NTNG1: variants seen among roughly 807,000 people sequenced by gnomAD.
NTNG1 encodes netrin-G1.
In NTNG1, 16 loss-of-function variants were observed where a neutral mutation model predicts 54.0. The ratio of observed to expected loss-of-function variants is 0.30; its 90% CI spans 0.20 to 0.45. The LOEUF (loss-of-function observed/expected upper bound fraction) is 0.45, where lower values mean the gene tolerates loss of function less well. Among genes scored for constraint, NTNG1 ranks in the 20% least tolerant of loss-of-function variants. NTNG1 has a pLI of 1.00. For missense variants in NTNG1, 530 were observed against 678.7 expected, an observed-to-expected ratio of 0.78 and a Z score of 2.43; for synonymous variants, 255 against 263.1, an observed-to-expected ratio of 0.97 and a Z score of 0.30.
chr1:107,429,033 C>G (rs1274325618), intron 5 of NTNG1, among the ~76,000 whole-genome samples: 1 of 152,088 alleles, frequency 6.6e-6, no homozygotes, highest in Non-Finnish European at 1.5e-5. Flanking sequence ...CTCGCCTCCC[C>G]TCTGACTTCT....
chr1:107,303,433 GA>G (rs1421056799), intron 2 of NTNG1, among the ~76,000 whole-genome samples: 1 of 152,086 alleles, frequency 6.6e-6, no homozygotes, highest in African/African-American at 2.4e-5. Flanking sequence ...CGACAAGTAA[GA>G]GTTTTTTTTT....
At chr1:107,325,174 A>G (rs1667880306) in intron 3 of NTNG1, among the ~76,000 whole-genome samples, 1 of 152,038 alleles carries the variant, frequency 6.6e-6, no homozygotes, top group Non-Finnish European at 1.5e-5. Context: ...TTAAAAAGTA[A>G]CTCCCTGAGT....
Position 107,324,634 on chromosome 1 carries a change from C to A in NTNG1, c.599C>A (p.Thr200Lys). The A allele has an allele frequency of 6.2e-7, 1 of 1,613,450 alleles. No homozygotes were observed. The highest frequency in any genetic ancestry group is 8.5e-7 in the Non-Finnish European group (1 of 1,179,696). ...PKSVKDLSQH[T>K]VLEIICTEEY... is the part of the protein sequence containing the mutation. ...TCCGTGAAGGATTTATCACAGCATA[C>A]GGTCTTAGAAATCATTTGCACAGAA... Residue 200 changes from threonine (T) to lysine (K), a missense_variant, in exon 3 of 8, where the codon ACG becomes AAG. Coordinates refer to ENST00000370068, the MANE Select transcript of NTNG1 (RefSeq NM_001113226.3).
At chr1:107,288,687 A>G (rs997591501) in intron 2 of NTNG1, among the ~76,000 whole-genome samples, 2 of 152,200 alleles carry the variant, frequency 1.3e-5, no homozygotes, top group Non-Finnish European at 2.9e-5. Context: ...CAAAGGATTG[A>G]CAAATGAGTG....
intron 7 of NTNG1, among the ~76,000 whole-genome samples, chr1:107,472,268 C>T (rs1014331765): frequency 1.3e-5 from 2 of 152,180 alleles, no homozygotes; most frequent in African/African-American, 4.8e-5. Context: ...CTCTATTACA[C>T]AAGACCATCC....
rs1678863877 is a variant in NTNG1, at chr1:107,483,666, A to T, written c.*2826A>T. 1.3e-5 allele frequency among the ~76,000 whole-genome samples: 2 copies of T among 149,778 alleles called. No homozygotes were observed. Among genetic ancestry groups the T allele is most frequent in the African/African-American group, 4.9e-5 (2 of 40,984 alleles). ...GGGTACTCAGTTGTTCATATATTTG[A>T]GGTCCTAATTCTTGGTATTTTTTCC... On this transcript the variant is annotated 3_prime_UTR_variant, in exon 8 of 8. Transcript: ENST00000370068.
At chr1:107,317,115 T>C (rs1050488970) in intron 2 of NTNG1, among the ~76,000 whole-genome samples, 2 of 152,156 alleles carry the variant, frequency 1.3e-5, no homozygotes, top group Admixed American at 6.5e-5. Context: ...AAAAAAACTT[T>C]TCGAACATCA....
chr1:107,181,669 A>T (rs1422583180), intron 2 of NTNG1, among the ~76,000 whole-genome samples: 5 of 150,768 alleles, frequency 3.3e-5, no homozygotes, highest in Non-Finnish European at 7.4e-5. Flanking sequence ...TTTTAATGAG[A>T]TGTCAGCTCC....
chr1:107,192,843 A>G (rs773457647), intron 2 of NTNG1, among the ~76,000 whole-genome samples: 1 of 152,080 alleles, frequency 6.6e-6, no homozygotes, highest in Non-Finnish European at 1.5e-5. Context: ...ACATTATATA[A>G]TAAAATCTGA....
At chr1:107,379,040 T>C (rs1213678455) in intron 3 of NTNG1, among the ~76,000 whole-genome samples, 1 of 152,240 alleles carries the variant, frequency 6.6e-6, no homozygotes, top group African/African-American at 2.4e-5. Flanking sequence ...TATTTGACTT[T>C]TACTACATGC....
At chr1:107,464,271 T>C (rs1383605877) in intron 7 of NTNG1, among the ~76,000 whole-genome samples, 3 of 152,168 alleles carry the variant, frequency 2.0e-5, no homozygotes, top group Non-Finnish European at 4.4e-5. Flanking sequence ...TTAAACTTTA[T>C]AGGTAGATTT....
intron 6 of NTNG1, among the ~76,000 whole-genome samples, chr1:107,435,067 A>G (rs1011435970): frequency 1.3e-5 from 2 of 152,128 alleles, no homozygotes; most frequent in Admixed American, 6.5e-5. Context: ...ATTAATGGTC[A>G]TGGGCTAATT....
chr1:107,325,616 A>C (rs765665677), intron 3 of NTNG1, among the ~76,000 whole-genome samples: 64 of 152,072 alleles, frequency 4.2e-4, no homozygotes, highest in Non-Finnish European at 5.4e-4. Flanking sequence ...TAGAGACAGA[A>C]TTGAGCAAAT....
At chr1:107,245,968 A>T (rs963684598) in intron 2 of NTNG1, among the ~76,000 whole-genome samples, 10 of 152,244 alleles carry the variant, frequency 6.6e-5, no homozygotes, top group African/African-American at 2.4e-4. Flanking sequence ...TTTATTTCAT[A>T]TATATCAGCT....
chr1:107,187,132 AT>A (rs1445643215), intron 2 of NTNG1, among the ~76,000 whole-genome samples: 2 of 151,908 alleles, frequency 1.3e-5, no homozygotes, highest in African/African-American at 2.4e-5. Flanking sequence ...CAGTTATAGC[AT>A]CTGTTTCTTT....
chr1:107,292,305 A>G (rs1665657422), intron 2 of NTNG1, among the ~76,000 whole-genome samples: 1 of 152,184 alleles, frequency 6.6e-6, no homozygotes, highest in Admixed American at 6.5e-5. Context: ...GGCAGGCAGA[A>G]GGAGTGATGG....
At chr1:107,460,190 C>G (rs1001627110) in intron 7 of NTNG1, among the ~76,000 whole-genome samples, 1 of 152,134 alleles carries the variant, frequency 6.6e-6, no homozygotes, top group Non-Finnish European at 1.5e-5. Context: ...GGGTTCTCGT[C>G]GTGAGCTTCA....
In NTNG1 at chr1:107,484,575, C is replaced by T. The variant is rs571834849; in HGVS notation, c.*3735C>T. Among the ~76,000 whole-genome samples the T allele has an allele frequency of 6.6e-6, 1 of 152,280 alleles. No homozygotes were observed. Among genetic ancestry groups the T allele is most frequent in the South Asian group, 2.1e-4 (1 of 4,832 alleles). Reference sequence around the variant, plus strand: ...CTAAGTTGGCACAAACTGCTAACCACATAACACAAAGAAAGGTCCAGGTTG... The same window carrying T: ...CTAAGTTGGCACAAACTGCTAACCATATAACACAAAGAAAGGTCCAGGTTG... On this transcript the variant is annotated 3_prime_UTR_variant, in exon 8 of 8. Coordinates refer to ENST00000370068, the MANE Select transcript of NTNG1 (RefSeq NM_001113226.3).
intron 2 of NTNG1, among the ~76,000 whole-genome samples, chr1:107,285,136 C>G (rs1455235583): frequency 6.6e-6 from 1 of 152,116 alleles, no homozygotes; most frequent in African/African-American, 2.4e-5. Context: ...AACTCAGATA[C>G]AACTTTGCAC....
Sources: gnomAD v4.1 joint callset for allele counts (sites outside exome capture counted in the v4.1 genomes callset) on GRCh38, gnomAD v4.1.1 for gene constraint, MANE v1.5 for transcripts, NCBI Gene and HGNC (gene_info 2026-07-23, HGNC 2026-07-21) for gene names.